SYT1: variants seen among roughly 807,000 people sequenced by gnomAD.
SYT1 encodes the protein synaptotagmin-1.
Under a neutral mutation model 44.8 loss-of-function variants are expected in SYT1, and 8 were observed. The ratio of observed to expected loss-of-function variants is 0.18; its 90% CI spans 0.10 to 0.32. The LOEUF (loss-of-function observed/expected upper bound fraction) is 0.32. SYT1 is among the 10% of genes least tolerant of loss of function. SYT1 has a pLI of 1.00. For missense variants in SYT1, 286 were observed against 509.3 expected, an observed-to-expected ratio of 0.56 and a Z score of 4.22; for synonymous variants, 154 against 188.8, an observed-to-expected ratio of 0.82 and a Z score of 1.51.
chr12:78,960,968 A>C (rs1278413818), intron 1 of SYT1, among the ~76,000 whole-genome samples: 1 of 152,128 alleles, frequency 6.6e-6, no homozygotes, highest in Admixed American at 6.6e-5. Context: ...GTCATCCATT[A>C]ATTTTCTAAA....
At chr12:79,288,335 G>A (rs1879410838) in intron 5 of SYT1, among the ~76,000 whole-genome samples, 2 of 151,902 alleles carry the variant, frequency 1.3e-5, no homozygotes, top group African/African-American at 4.8e-5. Context: ...AGTGAACATG[G>A]GGAAGAAAAT....
chr12:78,992,978 T>C (rs1162538797), intron 2 of SYT1, among the ~76,000 whole-genome samples: 1 of 152,220 alleles, frequency 6.6e-6, no homozygotes, highest in Admixed American at 6.6e-5. Flanking sequence ...GAGAAAATTC[T>C]CTATATGTTT....
intron 2 of SYT1, among the ~76,000 whole-genome samples, chr12:79,019,197 A>T (rs1434232074): frequency 1.3e-5 from 2 of 152,034 alleles, no homozygotes; most frequent in Non-Finnish European, 2.9e-5. Context: ...AGAGAGAAGT[A>T]TTGTCAAATA....
chr12:79,044,532 AT>A (rs368032501), intron 2 of SYT1, among the ~76,000 whole-genome samples: 5,453 of 119,338 alleles, frequency 0.046, 106 homozygotes, highest in East Asian at 0.099. Context: ...ATTCTTCTAA[AT>A]TTTTTTTCAA....
intron 2 of SYT1, among the ~76,000 whole-genome samples, chr12:79,025,420 C>A (rs117470565): frequency 0.01 from 1,517 of 151,678 alleles, 11 homozygotes; most frequent in Non-Finnish European, 0.016. Flanking sequence ...TTATATTGAA[C>A]CTTGTTGTTT....
intron 2 of SYT1, among the ~76,000 whole-genome samples, chr12:79,011,617 A>G (rs894819724): frequency 1.3e-5 from 2 of 151,666 alleles, no homozygotes; most frequent in African/African-American, 4.8e-5. Context: ...TTTTAAAACA[A>G]TAGCTGCCAA....
chr12:79,215,760 C>T (rs1309053711), intron 3 of SYT1, among the ~76,000 whole-genome samples: 2 of 151,878 alleles, frequency 1.3e-5, no homozygotes, highest in African/African-American at 4.8e-5. Flanking sequence ...TATGTGTTAG[C>T]CTCAGCCATG....
rs766923254 is a variant in SYT1, at chr12:79,449,022, A to G, written c.1167A>G (p.Arg389=). ...VGYNSTGAEL[R]HWSDMLANPR... is the part of the protein sequence containing the mutation. ...ACAACAGCACCGGCGCGGAGCTGCGACACTGGTCAGACATGCTGGCCAACC... is the reference window on the plus strand; with the variant it reads ...ACAACAGCACCGGCGCGGAGCTGCGGCACTGGTCAGACATGCTGGCCAACC... Residue 389 remains arginine (R), a synonymous_variant, in exon 11 of 11, where the codon CGA becomes CGG. Coordinates refer to ENST00000261205, the MANE Select transcript of SYT1 (RefSeq NM_005639.3). 1 of 1,614,224 alleles carries G rather than the reference A, an allele frequency of 6.2e-7. No individual in the cohort carries two copies. The highest frequency in any genetic ancestry group is 8.5e-7 in the Non-Finnish European group (1 of 1,180,030).
At chr12:79,126,864 C>T (rs141841544) in intron 3 of SYT1, among the ~76,000 whole-genome samples, 110 of 152,168 alleles carry the variant, frequency 7.2e-4, no homozygotes, top group African/African-American at 2.5e-3. Context: ...ATTTGTCAAC[C>T]CTATGGTGTC....
At chr12:79,332,003 C>T (rs1443904036) in intron 8 of SYT1, among the ~76,000 whole-genome samples, 1 of 151,998 alleles carries the variant, frequency 6.6e-6, no homozygotes, top group Non-Finnish European at 1.5e-5. Flanking sequence ...GGAAAATTGT[C>T]GTAGTTTAGA....
chr12:79,390,694 A>G (rs369015202), intron 9 of SYT1, among the ~76,000 whole-genome samples: 9 of 152,302 alleles, frequency 5.9e-5, no homozygotes, highest in Admixed American at 3.9e-4. Flanking sequence ...TCAATATTCA[A>G]TTCACATTAT....
intron 2 of SYT1, among the ~76,000 whole-genome samples, chr12:78,993,447 A>G (rs991277268): frequency 8.5e-5 from 13 of 152,206 alleles, no homozygotes; most frequent in African/African-American, 2.9e-4. Context: ...AAAGCCTATG[A>G]CATTAGGTCC....
intron 9 of SYT1, among the ~76,000 whole-genome samples, chr12:79,360,424 C>T (rs2136023051): frequency 6.6e-6 from 1 of 152,172 alleles, no homozygotes; most frequent in East Asian, 1.9e-4. Flanking sequence ...TTCCTAGTAC[C>T]CTTGACTACC....
At chr12:79,336,939 A>G (rs1438528985) in intron 8 of SYT1, among the ~76,000 whole-genome samples, 1 of 151,984 alleles carries the variant, frequency 6.6e-6, no homozygotes, top group Non-Finnish European at 1.5e-5. Context: ...GCCTCCAAAA[A>G]TTTTGGGAGT....
intron 4 of SYT1, among the ~76,000 whole-genome samples, chr12:79,234,740 CT>C (rs1876085059): frequency 8.6e-6 from 1 of 116,864 alleles, no homozygotes; most frequent in Non-Finnish European, 1.6e-5. Flanking sequence ...GAGATGAAGT[CT>C]TGCTGTGTCA....
chr12:79,436,967 T>G (rs1870125797), intron 9 of SYT1, among the ~76,000 whole-genome samples: 1 of 152,178 alleles, frequency 6.6e-6, no homozygotes, highest in Non-Finnish European at 1.5e-5. Flanking sequence ...AGGTTCAGAC[T>G]GAGGAAATCA....
At chr12:78,971,737 A>C (rs996027907) in intron 1 of SYT1, among the ~76,000 whole-genome samples, 2 of 152,164 alleles carry the variant, frequency 1.3e-5, no homozygotes, top group Non-Finnish European at 2.9e-5. Context: ...GACTTGGACT[A>C]TATATTATAG....
intron 4 of SYT1, among the ~76,000 whole-genome samples, chr12:79,237,831 T>C (rs751325085): frequency 3.3e-5 from 5 of 152,168 alleles, no homozygotes; most frequent in Non-Finnish European, 1.5e-5. Context: ...GCTAACCCTA[T>C]ACACTTATGA....
intron 3 of SYT1, among the ~76,000 whole-genome samples, chr12:79,062,412 T>C (rs1333182766): frequency 5.3e-5 from 8 of 152,158 alleles, no homozygotes; most frequent in Admixed American, 5.2e-4. Flanking sequence ...GCCTAGAAGG[T>C]TCCCCACTGT....
Sources: allele counts gnomAD v4.1 joint callset (sites outside exome capture counted in the v4.1 genomes callset), GRCh38; gene constraint gnomAD v4.1.1; transcripts MANE v1.5; gene names NCBI Gene and HGNC (gene_info 2026-07-23, HGNC 2026-07-21).